The following FLOT1 variants were observed in gnomAD, a reference collection of about 807,000 sequenced individuals.
FLOT1 encodes flotillin-1.
In FLOT1, 40 loss-of-function variants were observed where a neutral mutation model predicts 58.4. The ratio of observed to expected loss-of-function variants is 0.69; its 90% CI spans 0.53 to 0.89. FLOT1 has a LOEUF of 0.89. FLOT1 is among the 40% of genes least tolerant of loss of function. The pLI, the probability that FLOT1 is intolerant of heterozygous loss-of-function variation, is 0.00. For missense variants in FLOT1, 423 were observed against 540.8 expected, an observed-to-expected ratio of 0.78 and a Z score of 2.16; for synonymous variants, 178 against 204.2, an observed-to-expected ratio of 0.87 and a Z score of 1.09.
chr6:30,731,156 G>A, intron 8 of FLOT1, 56 bp from the exon 9 acceptor site: 3 of 1,509,762 alleles, frequency 2.0e-6, no homozygotes, highest in Non-Finnish European at 2.7e-6. Flanking sequence ...AAGAGCAAGT[G>A]CCCGGGAACC....
At position 30,740,480 on chromosome 6, in the gene FLOT1, C is replaced by A; in HGVS notation, c.570+16G>T. 1.2e-6 allele frequency: 2 copies of A among 1,610,086 alleles called. No homozygotes were observed. Among genetic ancestry groups the A allele is most frequent in the Non-Finnish European group, 1.7e-6 (2 of 1,178,102 alleles). ...TTCTATCCCCTTTCCCACTAAGCAA[C>A]CCCCATCTCTCTCACCCGGATCCCA... On this transcript the variant is annotated intron_variant, in intron 7 of 12. Transcript: ENST00000376389.
intron 11 of FLOT1, 67 bp downstream of exon 11, chr6:30,730,361 A>G (rs1777073608): frequency 6.5e-7 from 1 of 1,528,900 alleles, no homozygotes; most frequent in Admixed American, 2.0e-5. Context: ...TAAGCCCCTC[A>G]CTACACCCCA....
At position 30,737,217 on chromosome 6, in the gene FLOT1, C is replaced by A. The variant is rs561055692; in HGVS notation, c.723+2941G>T. Among the ~76,000 whole-genome samples the A allele has an allele frequency of 1.2e-5, 1 of 80,742 alleles. No homozygotes were observed. The highest frequency in any genetic ancestry group is 2.7e-5 in the Non-Finnish European group (1 of 36,558). The allele number at this position is 80,742 out of a possible 152,430, so 53.0% of individuals were successfully genotyped here. ...ACTGACTGACTGTCTGTCGTCCGTC[C>A]GTCCGTCCGTCCGTCCGTCCGTCCG... On this transcript the variant is annotated intron_variant, in intron 8 of 12. Coordinates refer to ENST00000376389, the MANE Select transcript of FLOT1 (RefSeq NM_005803.4). The surrounding 1 kb of genome is among the most constrained non-coding windows in gnomAD (Gnocchi z 4.4).
In FLOT1 at chr6:30,737,246, G is replaced by GTCCGTCCGTCCATCCATCCATCCATCCA. The variant is rs1554208614; in HGVS notation, c.723+2911_723+2912insTGGATGGATGGATGGATGGACGGACGGA. Among the ~76,000 whole-genome samples, 365 of 145,354 alleles carry GTCCGTCCGTCCATCCATCCATCCATCCA rather than the reference G, an allele frequency of 2.5e-3. No individual in the cohort carries two copies. Among genetic ancestry groups the GTCCGTCCGTCCATCCATCCATCCATCCA allele is most frequent in the Admixed American group, 4.0e-3 (59 of 14,584 alleles). ...CGTCCGTCCGTCCGTCCGTCCGTCC[G>GTCCGTCCGTCCATCCATCCATCCATCCA]TCCATCCGTCCATCCATCCATCCAT... On this transcript the variant is annotated intron_variant, in intron 8 of 12. Coordinates refer to ENST00000376389, the MANE Select transcript of FLOT1 (RefSeq NM_005803.4). The surrounding 1 kb of genome is among the most constrained non-coding windows in gnomAD (Gnocchi z 4.4).
In FLOT1 at chr6:30,742,304, C is replaced by T; in HGVS notation, c.-14-101G>A. 2.0e-6 allele frequency: 2 copies of T among 982,426 alleles called. No individual in the cohort carries two copies. The highest frequency in any genetic ancestry group is 3.3e-6 in the Non-Finnish European group (2 of 612,430). 60.9% of individuals were successfully genotyped at this position (982,426 alleles called of 1,614,324 possible). On this transcript the variant is annotated intron_variant, in intron 1 of 12. Coordinates refer to ENST00000376389, the MANE Select transcript of FLOT1 (RefSeq NM_005803.4). This position sits in a 1 kb window ranked among gnomAD's most constrained non-coding sequence, Gnocchi z 5.2. ...TTTCCCGTCAGGCCCTCCCAGTCTG[C>T]ATCCGCCACGGCCCGTCCCTTCTAC...
intron 8 of FLOT1, 49 bp downstream of exon 8, chr6:30,740,109 C>T (rs768665945): frequency 1.4e-6 from 2 of 1,454,152 alleles, no homozygotes; most frequent in East Asian, 5.0e-5. Context: ...GATGGACAGC[C>T]TGAGAGGAAT....
At chr6:30,740,420 C>G (rs1243248936) in intron 7 of FLOT1, 76 bp downstream of exon 7, 3 of 1,586,110 alleles carry the variant, frequency 1.9e-6, no homozygotes, top group South Asian at 2.2e-5. Context: ...TTTCCCTGCT[C>G]ACCCAGCACC....
chr6:30,737,712 C>T lies in FLOT1; in HGVS notation c.723+2446G>A, dbSNP rs1410389410. ...GCTAACCTAATATACTAACTCCCCT[C>T]CCACAGTTTTTCACATCACCCTGTT... On this transcript the variant is annotated intron_variant, in intron 8 of 12. Transcript: ENST00000376389. This position sits in a 1 kb window ranked among gnomAD's most constrained non-coding sequence, Gnocchi z 4.4. Among the ~76,000 whole-genome samples, 1 of 152,172 alleles carries T rather than the reference C, an allele frequency of 6.6e-6. No individual in the cohort carries two copies. Among genetic ancestry groups the T allele is most frequent in the Non-Finnish European group, 1.5e-5 (1 of 68,024 alleles).
chr6:30,729,358 C>T (rs140012131), intron 12 of FLOT1, among the ~76,000 whole-genome samples: 3 of 152,304 alleles, frequency 2.0e-5, no homozygotes, highest in African/African-American at 7.2e-5. Flanking sequence ...GGATTACAGG[C>T]GTAAGCCACT....
chr6:30,730,632 GCAACCCCCACCCTCTCCA>G, intron 10 of FLOT1, 32 bp downstream of exon 10: 4 of 1,613,784 alleles, frequency 2.5e-6, no homozygotes, highest in Non-Finnish European at 3.4e-6. Flanking sequence ...CGATCAAGCA[GCAACCCCCACCCTCTCCA>G]CAAGCCAGCA....
Position 30,737,046 on chromosome 6 carries a change from C to T in FLOT1, c.723+3112G>A, listed in dbSNP as rs558863530. Among the ~76,000 whole-genome samples, 3 of 152,148 alleles carry T rather than the reference C, an allele frequency of 2.0e-5. No homozygotes were observed. The highest frequency in any genetic ancestry group is 1.9e-4 in the East Asian group (1 of 5,178). On this transcript the variant is annotated intron_variant, in intron 8 of 12. Coordinates refer to ENST00000376389, the MANE Select transcript of FLOT1 (RefSeq NM_005803.4). This position sits in a 1 kb window ranked among gnomAD's most constrained non-coding sequence, Gnocchi z 4.4. Reference sequence around the variant, plus strand: ...TGTGTCTCCATCGTGACCACACAAACCCTTTGTGATCTGGCCCTGCCTGCC... The same window carrying T: ...TGTGTCTCCATCGTGACCACACAAATCCTTTGTGATCTGGCCCTGCCTGCC...
rs1357402273 is a variant in FLOT1, at chr6:30,730,533, C to A, written c.984G>T (p.Gly328=). ...GCTCAGCCTCGGCTCGGGCTCGGGC[C>A]CCTATGGCAAAGGCCTCAGCTTCCC... ...MRGEAEAFAI[G]ARARAEAEQM... Residue 328 remains glycine (G), a synonymous_variant, in exon 11 of 13, where the codon GGG becomes GGT. Transcript: ENST00000376389. 6.2e-7 allele frequency: 1 copy of A among 1,611,552 alleles called. No homozygotes were observed. Among genetic ancestry groups the A allele is most frequent in the South Asian group, 1.1e-5 (1 of 90,952 alleles).
chr6:30,728,055 A>C lies in FLOT1; in HGVS notation c.*61T>G, dbSNP rs964827470. On this transcript the variant is annotated 3_prime_UTR_variant, in exon 13 of 13. Coordinates refer to ENST00000376389, the MANE Select transcript of FLOT1 (RefSeq NM_005803.4). The stretch of plus-strand genomic sequence containing the variant: ...TCAGGGAGGCCAGTGGGTTACATGC[A>C]ACAGGAGGATCATTCAGGCAACTTC... 5.9e-6 allele frequency: 9 copies of C among 1,514,642 alleles called. No individual in the cohort carries two copies. The African/African-American group carries it at 9.6e-5, about 16-fold the overall frequency. The allele number at this position is 1,514,642 out of a possible 1,614,324, so 93.8% of individuals were successfully genotyped here.
intron 8 of FLOT1, 56 bp downstream of exon 8, chr6:30,740,102 G>A: frequency 6.4e-7 from 1 of 1,561,726 alleles, no homozygotes; most frequent in South Asian, 1.1e-5. Flanking sequence ...GTCCTGAGAT[G>A]GACAGCCTGA....
Position 30,730,149 on chromosome 6 carries a change from T to C in FLOT1, c.1127A>G (p.Asn376Ser), listed in dbSNP as rs773750940. Residue 376 changes from asparagine to serine, a missense_variant, in exon 12 of 13, where the codon AAT (asparagine) becomes AGT (serine). This residue lies in a region of FLOT1 where 42 missense variants were observed against 74.4 expected (regional missense o/e 0.56). Coordinates refer to ENST00000376389, the MANE Select transcript of FLOT1 (RefSeq NM_005803.4). ...GCCGCTGGACACCAGTGTGATCTTA[T>C]TGGCTGAAGTCAAGGGACCACTGAT... ...EEISGPLTSA[N>S]KITLVSSGSG... 1.1e-5 allele frequency: 17 copies of C among 1,612,954 alleles called. No individual in the cohort carries two copies. The Middle Eastern group carries it at 4.9e-4, about 47-fold the overall frequency.
chr6:30,741,997 T>C lies in FLOT1; in HGVS notation c.44-130A>G. On this transcript the variant is annotated intron_variant, in intron 2 of 12. Coordinates refer to ENST00000376389, the MANE Select transcript of FLOT1 (RefSeq NM_005803.4). The surrounding 1 kb of genome is among the most constrained non-coding windows in gnomAD (Gnocchi z 5.9). ...GCTGGAGGGGAAGCAGTCTGGGCCT[T>C]GGAATGGTGGGAATCAAACTGGGCA... 8.4e-7 allele frequency: 1 copy of C among 1,184,114 alleles called. No homozygotes were observed. Among genetic ancestry groups the C allele is most frequent in the Non-Finnish European group, 1.2e-6 (1 of 807,540 alleles). The allele number at this position is 1,184,114 out of a possible 1,614,324, so 73.4% of individuals were successfully genotyped here.
At chr6:30,734,122 T>A (rs1357572201) in intron 8 of FLOT1, among the ~76,000 whole-genome samples, 4 of 150,880 alleles carry the variant, frequency 2.7e-5, no homozygotes, top group African/African-American at 9.7e-5. Flanking sequence ...TCTCTCTCTC[T>A]AGAAGCTTTC....
In FLOT1 at chr6:30,737,208, T is replaced by A. The variant is rs201644815; in HGVS notation, c.723+2950A>T. Among the ~76,000 whole-genome samples the A allele has an allele frequency of 7.2e-6, 1 of 138,042 alleles. No individual in the cohort carries two copies. The allele number at this position is 138,042 out of a possible 152,430, so 90.6% of individuals were successfully genotyped here. Reference sequence around the variant, plus strand: ...GACTGACTGACTGACTGACTGTCTGTCGTCCGTCCGTCCGTCCGTCCGTCC... The same window carrying A: ...GACTGACTGACTGACTGACTGTCTGACGTCCGTCCGTCCGTCCGTCCGTCC... On this transcript the variant is annotated intron_variant, in intron 8 of 12. Coordinates refer to ENST00000376389, the MANE Select transcript of FLOT1 (RefSeq NM_005803.4). The surrounding 1 kb of genome is among the most constrained non-coding windows in gnomAD (Gnocchi z 4.4).
At chr6:30,732,246 G>A (rs1777256436) in intron 8 of FLOT1, among the ~76,000 whole-genome samples, 1 of 152,180 alleles carries the variant, frequency 6.6e-6, no homozygotes, top group African/African-American at 2.4e-5. Context: ...TGGGATTACA[G>A]GCATGAGCCA....
Sources: allele counts gnomAD v4.1 joint callset (sites outside exome capture counted in the v4.1 genomes callset), GRCh38; gene constraint gnomAD v4.1.1; regional missense constraint gnomAD v4.1.1; non-coding constraint Gnocchi (gnomAD v3.1); transcripts MANE v1.5; gene names NCBI Gene and HGNC (gene_info 2026-07-23, HGNC 2026-07-21).